The following XKR4 variants were observed in gnomAD, a reference collection of about 807,000 sequenced individuals.
XKR4 encodes XK related 4.
In XKR4, 12 loss-of-function variants were observed where a neutral mutation model predicts 53.9. The ratio of observed to expected loss-of-function variants is 0.22; its 90% confidence interval spans 0.14 to 0.36. The LOEUF (loss-of-function observed/expected upper bound fraction) is 0.36. XKR4 is among the 10% of genes least tolerant of loss of function. The pLI, the probability that XKR4 is intolerant of heterozygous loss-of-function variation, is 1.00. For missense variants in XKR4, 799 were observed against 859.5 expected (o/e 0.93, Z 0.88); for synonymous variants, 354 against 362.4 (o/e 0.98, Z 0.26).
chr8:55,475,292 G>C (rs950669343), intron 2 of XKR4, among the ~76,000 whole-genome samples: 2 of 152,118 alleles, frequency 1.3e-5, no homozygotes, highest in African/African-American at 4.8e-5. Flanking sequence ...GTGGGCAGGT[G>C]AGCCAAATTA....
At chr8:55,470,540 C>A (rs376994396) in intron 2 of XKR4, among the ~76,000 whole-genome samples, 1 of 152,104 alleles carries the variant, frequency 6.6e-6, no homozygotes, top group Non-Finnish European at 1.5e-5. Flanking sequence ...AAGTGGGAGT[C>A]CATTAAACCT....
At chr8:55,422,122 T>C (rs1804944084) in intron 2 of XKR4, among the ~76,000 whole-genome samples, 1 of 152,134 alleles carries the variant, frequency 6.6e-6, no homozygotes, top group South Asian at 2.1e-4. Context: ...TAAATAAAAT[T>C]ACATAACATT....
At chr8:55,176,993 A>G (rs1460447989) in intron 1 of XKR4, among the ~76,000 whole-genome samples, 1 of 151,908 alleles carries the variant, frequency 6.6e-6, no homozygotes, top group Non-Finnish European at 1.5e-5. Context: ...AAACACAAGC[A>G]GAAGTGTTAA....
At chr8:55,346,986 T>C (rs1803657264) in intron 1 of XKR4, among the ~76,000 whole-genome samples, 1 of 152,240 alleles carries the variant, frequency 6.6e-6, no homozygotes, top group South Asian at 2.1e-4. Context: ...GCAGTTAATG[T>C]AACACTCGGT....
chr8:55,307,256 G>C (rs1196553849), intron 1 of XKR4, among the ~76,000 whole-genome samples: 1 of 152,178 alleles, frequency 6.6e-6, no homozygotes, highest in African/African-American at 2.4e-5. Context: ...CAAAGGACTA[G>C]TTCCTAGAAG....
chr8:55,264,703 A>G (rs1309335339), intron 1 of XKR4, among the ~76,000 whole-genome samples: 2 of 152,222 alleles, frequency 1.3e-5, no homozygotes, highest in Non-Finnish European at 2.9e-5. Flanking sequence ...CCTCACACAA[A>G]GCAATTAATT....
At chr8:55,157,379 T>C (rs1816921683) in intron 1 of XKR4, among the ~76,000 whole-genome samples, 1 of 152,172 alleles carries the variant, frequency 6.6e-6, no homozygotes, top group Admixed American at 6.5e-5. Flanking sequence ...CTAGATAACA[T>C]GATAAGAGGG....
chr8:55,451,408 G>A (rs1489730773), intron 2 of XKR4: 3 of 966,374 alleles, frequency 3.1e-6, no homozygotes, highest in Non-Finnish European at 4.8e-6. Context: ...GCGTCCGGAC[G>A]CACTGGAGTA....
rs1194494685 is a variant in XKR4 at position 55,356,984 on chromosome 8, G to A, written c.807-694G>A. Reference sequence around the variant, plus strand: ...AATATTTTCTTTTCTCTTTATTATAGGAATACAGTATATAATGCATATAGA... The same window carrying A: ...AATATTTTCTTTTCTCTTTATTATAAGAATACAGTATATAATGCATATAGA... On this transcript the variant is annotated intron_variant, in intron 1 of 2. Coordinates refer to ENST00000327381, the MANE Select transcript of XKR4 (RefSeq NM_052898.2). Among the ~76,000 whole-genome samples, 3 of 152,010 alleles carry A rather than the reference G, an allele frequency of 2.0e-5. No homozygotes were observed. In the East Asian group the frequency reaches 5.8e-4, roughly 29 times the overall value.
chr8:55,428,636 A>T (rs1325157153), intron 2 of XKR4, among the ~76,000 whole-genome samples: 1 of 152,230 alleles, frequency 6.6e-6, no homozygotes, highest in Non-Finnish European at 1.5e-5. Context: ...CCCGTGTGTC[A>T]CATGAGACTG....
At chr8:55,253,892 T>C (rs1421454713) in intron 1 of XKR4, among the ~76,000 whole-genome samples, 1 of 151,976 alleles carries the variant, frequency 6.6e-6, no homozygotes, top group East Asian at 1.9e-4. Flanking sequence ...CAGGAATTTC[T>C]GTGTTTCTTG....
At chr8:55,214,306 G>C (rs937574556) in intron 1 of XKR4, among the ~76,000 whole-genome samples, 68 of 152,138 alleles carry the variant, frequency 4.5e-4, no homozygotes, top group African/African-American at 1.6e-3. Context: ...AACATGCTGA[G>C]GGCAATACCA....
chr8:55,201,287 T>A (rs1817574543), intron 1 of XKR4, among the ~76,000 whole-genome samples: 1 of 152,222 alleles, frequency 6.6e-6, no homozygotes, highest in African/African-American at 2.4e-5. Flanking sequence ...TGCAGTTGAA[T>A]TGAGAAGACA....
chr8:55,402,183 G>A (rs1225565600), intron 2 of XKR4, among the ~76,000 whole-genome samples: 1 of 152,160 alleles, frequency 6.6e-6, no homozygotes, highest in Non-Finnish European at 1.5e-5. Flanking sequence ...AGACCCTTGG[G>A]AAAGGTATGA....
chr8:55,304,954 A>C (rs1015610961), intron 1 of XKR4, among the ~76,000 whole-genome samples: 2 of 152,280 alleles, frequency 1.3e-5, no homozygotes, highest in African/African-American at 4.8e-5. Flanking sequence ...AATAACAATA[A>C]GATTATTAAA....
chr8:55,135,190 A>C (rs1816608244), intron 1 of XKR4: 1 of 154,282 alleles, frequency 6.5e-6, no homozygotes, highest in Non-Finnish European at 1.4e-5. Context: ...CAAAAATCAC[A>C]ATTACATTTG....
intron 1 of XKR4, among the ~76,000 whole-genome samples, chr8:55,192,167 G>GTT (rs1280343978): frequency 1.4e-5 from 2 of 147,646 alleles, no homozygotes; most frequent in Non-Finnish European, 3.0e-5. Context: ...GACTATAATG[G>GTT]TTTGTGGAAT....
intron 2 of XKR4, among the ~76,000 whole-genome samples, chr8:55,477,826 G>T (rs768187826): frequency 9.9e-5 from 15 of 152,132 alleles, no homozygotes; most frequent in Non-Finnish European, 1.8e-4. Context: ...TGAAATGAAT[G>T]AAATGAAGTG....
chr8:55,493,806 T>C (rs1806304264), intron 2 of XKR4, among the ~76,000 whole-genome samples: 1 of 152,232 alleles, frequency 6.6e-6, no homozygotes, highest in South Asian at 2.1e-4. Context: ...CAGTTCTCCT[T>C]TTTCCATTTC....
Sources: allele counts gnomAD v4.1 joint callset (sites outside exome capture counted in the v4.1 genomes callset), GRCh38; gene constraint gnomAD v4.1.1; transcripts MANE v1.5; gene names NCBI Gene and HGNC (gene_info 2026-07-23, HGNC 2026-07-21).